The following CD99L2 variants were observed in gnomAD, a reference collection of about 807,000 sequenced individuals.
CD99L2 encodes CD99 antigen-like protein 2.
A neutral mutation model predicts 27.3 loss-of-function variants in CD99L2; 24 were observed. That is an observed-to-expected ratio of 0.88 (90% confidence interval 0.64 to 1.24). The LOEUF (loss-of-function observed/expected upper bound fraction) is 1.24, where lower values mean the gene tolerates loss of function less well. CD99L2 is among the 50% of genes most tolerant of loss of function. The pLI, the probability that CD99L2 is intolerant of heterozygous loss-of-function variation, is 0.00. For missense variants in CD99L2, 255 were observed against 221.6 expected (o/e 1.15, Z -0.96); for synonymous variants, 97 against 87.9 (o/e 1.10, Z -0.58).
intron 1 of CD99L2, among the ~76,000 whole-genome samples, chrX:150,834,474 G>A (rs782207235): frequency 1.9e-4 from 21 of 112,089 alleles, no homozygotes; most frequent in Non-Finnish European, 3.6e-4. Flanking sequence ...CCTGGTGATA[G>A]AGCAAGACAC....
intron 3 of CD99L2, among the ~76,000 whole-genome samples, chrX:150,815,185 G>A (rs781823345): frequency 4.3e-4 from 48 of 111,747 alleles, no homozygotes; most frequent in Non-Finnish European, 8.3e-4. Flanking sequence ...TATATTCCTA[G>A]GTATTTTCTG....
intron 1 of CD99L2, among the ~76,000 whole-genome samples, chrX:150,878,598 C>G (rs2047272035): frequency 9.1e-6 from 1 of 109,411 alleles, no homozygotes; most frequent in African/African-American, 3.3e-5. Flanking sequence ...TCCTAAGACT[C>G]TCACCTAGTC....
chrX:150,849,235 A>G (rs1603305579), intron 1 of CD99L2, among the ~76,000 whole-genome samples: 1 of 111,453 alleles, frequency 9.0e-6, no homozygotes, highest in East Asian at 2.8e-4. Flanking sequence ...AACACTGACT[A>G]AGCAATCTGG....
intron 2 of CD99L2, among the ~76,000 whole-genome samples, chrX:150,817,503 C>T (rs1282953884): frequency 2.7e-5 from 3 of 111,941 alleles, no homozygotes; most frequent in African/African-American, 9.7e-5. Flanking sequence ...AAGAATTATA[C>T]AATGTGCATG....
At chrX:150,843,854 C>T (rs1278467933) in intron 1 of CD99L2, among the ~76,000 whole-genome samples, 1 of 110,639 alleles carries the variant, frequency 9.0e-6, no homozygotes, top group Non-Finnish European at 1.9e-5. Flanking sequence ...ACTCACCTGC[C>T]TGTCATCTGG....
chrX:150,792,844 A>G (rs2045714808), intron 7 of CD99L2, among the ~76,000 whole-genome samples: 1 of 112,426 alleles, frequency 8.9e-6, no homozygotes, highest in Non-Finnish European at 1.9e-5. Context: ...AAATCTGGCT[A>G]ATATTCCCTC....
intron 2 of CD99L2, among the ~76,000 whole-genome samples, chrX:150,823,916 G>A (rs1229393871): frequency 9.1e-6 from 1 of 109,926 alleles, no homozygotes; most frequent in African/African-American, 3.3e-5. Context: ...GAGGTGGGAG[G>A]ACCACTTGAG....
At chrX:150,770,270 C>T (rs905136156) in intron 10 of CD99L2, 34 bp downstream of exon 10, 40 of 1,181,434 alleles carry the variant, frequency 3.4e-5, no homozygotes, top group Non-Finnish European at 4.4e-5. Flanking sequence ...ACTAGGAAAG[C>T]GTCAGCAAGG....
chrX:150,827,436 G>A (rs1033230519), intron 2 of CD99L2, among the ~76,000 whole-genome samples: 52 of 111,556 alleles, frequency 4.7e-4, no homozygotes, highest in Middle Eastern at 4.6e-3. Context: ...GATCAGATGG[G>A]TCAGCACAAG....
chrX:150,865,430 G>A (rs1231705956), intron 1 of CD99L2, among the ~76,000 whole-genome samples: 1 of 111,969 alleles, frequency 8.9e-6, no homozygotes, highest in Non-Finnish European at 1.9e-5. Context: ...TTGAGCCCAG[G>A]AGTTCAAGGC....
Position 150,815,009 on chromosome X carries a change from A to C in CD99L2, c.203-73T>G, listed in dbSNP as rs781907198. On this transcript the variant is annotated intron_variant, in intron 3 of 10. Coordinates refer to ENST00000370377, the MANE Select transcript of CD99L2 (RefSeq NM_031462.4). ...CTGGGTATAAGATTCCAAAATAAGC[A>C]AAATGCCCATGGGTTCAACTGATCA... 165 of 1,069,557 alleles carry C rather than the reference A, an allele frequency of 1.5e-4. No homozygotes were observed. The African/African-American group carries it at 2.8e-3, about 18-fold the overall frequency. 88.1% of individuals were successfully genotyped at this position (1,069,557 alleles called of 1,213,427 possible).
intron 1 of CD99L2, 34 bp downstream of exon 1, chrX:150,898,488 C>T: frequency 1.8e-6 from 2 of 1,081,397 alleles, no homozygotes; most frequent in Non-Finnish European, 2.4e-6. Flanking sequence ...GCGGGGTCCC[C>T]GCGCGGTCCC....
chrX:150,771,195 G>A (rs1195356055), intron 9 of CD99L2, among the ~76,000 whole-genome samples: 3 of 112,314 alleles, frequency 2.7e-5, no homozygotes, highest in African/African-American at 6.5e-5. Context: ...CCGACCGACC[G>A]ACCAGGCACC....
At chrX:150,873,493 G>C (rs148679991) in intron 1 of CD99L2, among the ~76,000 whole-genome samples, 1 of 112,088 alleles carries the variant, frequency 8.9e-6, no homozygotes, top group African/African-American at 3.2e-5. Context: ...GGTGAGAGAC[G>C]CACAGCCTTG....
At chrX:150,892,330 G>C (rs1383005744) in intron 1 of CD99L2, among the ~76,000 whole-genome samples, 1 of 110,719 alleles carries the variant, frequency 9.0e-6, no homozygotes, top group African/African-American at 3.3e-5. Flanking sequence ...CAGGAGGCCG[G>C]GCACGGTGGC....
intron 1 of CD99L2, among the ~76,000 whole-genome samples, chrX:150,851,113 A>G (rs1018603453): frequency 8.9e-6 from 1 of 111,926 alleles, no homozygotes; most frequent in African/African-American, 3.2e-5. Context: ...TGCTAGGATT[A>G]TAGGTGTGAG....
intron 10 of CD99L2, among the ~76,000 whole-genome samples, chrX:150,769,617 ACGG>A (rs2043379834): frequency 1.8e-5 from 2 of 109,017 alleles, no homozygotes; most frequent in East Asian, 2.8e-4. Context: ...CCCAGTCCCC[ACGG>A]CTGCTGCACT....
At chrX:150,777,382 G>C (rs1557419286) in intron 8 of CD99L2, 62 bp downstream of exon 8, 1 of 1,177,195 alleles carries the variant, frequency 8.5e-7, no homozygotes, top group Non-Finnish European at 1.2e-6. Flanking sequence ...AGTGATTTTG[G>C]GGTCCTGAGA....
intron 4 of CD99L2, 68 bp from the exon 5 acceptor site, chrX:150,795,554 T>TGCTG: frequency 9.6e-7 from 1 of 1,046,233 alleles, no homozygotes; most frequent in Non-Finnish European, 1.3e-6. Flanking sequence ...CATTCATGGC[T>TGCTG]CAGGGAAGTC....
Sources: gnomAD v4.1 joint callset for allele counts (sites outside exome capture counted in the v4.1 genomes callset) on GRCh38, gnomAD v4.1.1 for gene constraint, MANE v1.5 for transcripts, NCBI Gene and HGNC (gene_info 2026-07-23, HGNC 2026-07-21) for gene names.